Variants in SDC2 observed in about 807,000 individuals in gnomAD.
The protein encoded by SDC2 is syndecan 2, also known as syndecan-2.
SDC2 carries 13 observed loss-of-function variants against 22.2 expected under a neutral mutation model. That is an observed-to-expected ratio of 0.59 (90% CI 0.38 to 0.93). The LOEUF (loss-of-function observed/expected upper bound fraction) is 0.93. Ranked by LOEUF, SDC2 falls within the 40% of genes least tolerant of loss-of-function variation. SDC2 has a pLI of 0.00. For missense variants in SDC2, 235 were observed against 246.8 expected (o/e 0.95, Z 0.32); for synonymous variants, 94 against 92.8 (o/e 1.01, Z -0.07).
At chr8:96,521,384 G>A (rs1813495018) in intron 1 of SDC2, among the ~76,000 whole-genome samples, 1 of 152,228 alleles carries the variant, frequency 6.6e-6, no homozygotes. Flanking sequence ...TCCTGGGAAG[G>A]TGTTAGGAGG....
chr8:96,532,072 TGTGAA>T (rs1307142248), intron 1 of SDC2, among the ~76,000 whole-genome samples: 2 of 152,214 alleles, frequency 1.3e-5, no homozygotes, highest in East Asian at 3.8e-4. Context: ...TTTTTTCATC[TGTGAA>T]GTGAAGGACA....
At chr8:96,514,536 G>T (rs889340054) in intron 1 of SDC2, among the ~76,000 whole-genome samples, 19 of 152,118 alleles carry the variant, frequency 1.2e-4, no homozygotes, top group Non-Finnish European at 1.9e-4. Flanking sequence ...TCCTTCTGAG[G>T]CTTAAGTGAC....
chr8:96,607,300 C>T (rs1453163939), intron 3 of SDC2, among the ~76,000 whole-genome samples: 1 of 152,032 alleles, frequency 6.6e-6, no homozygotes, highest in East Asian at 1.9e-4. Context: ...GAGGTCGATG[C>T]GGGATGGGAG....
chr8:96,496,900 C>T (rs1440312371), intron 1 of SDC2, among the ~76,000 whole-genome samples: 2 of 152,206 alleles, frequency 1.3e-5, no homozygotes, highest in Non-Finnish European at 2.9e-5. Context: ...ATACTTTCCA[C>T]TGGCAGGTTA....
At chr8:96,536,534 C>CTAA (rs1170590168) in intron 1 of SDC2, among the ~76,000 whole-genome samples, 23 of 88,744 alleles carry the variant, frequency 2.6e-4, no homozygotes, top group Middle Eastern at 5.4e-3. Context: ...GTTGCCTAGG[C>CTAA]CAATCTCCAA....
intron 1 of SDC2, among the ~76,000 whole-genome samples, chr8:96,504,601 T>G (rs1813210980): frequency 6.6e-6 from 1 of 152,232 alleles, no homozygotes; most frequent in African/African-American, 2.4e-5. Flanking sequence ...ACACAAAGCT[T>G]GACCCATAGT....
At chr8:96,496,900 C>G (rs1440312371) in intron 1 of SDC2, among the ~76,000 whole-genome samples, 2 of 152,206 alleles carry the variant, frequency 1.3e-5, no homozygotes. Flanking sequence ...ATACTTTCCA[C>G]TGGCAGGTTA....
intron 2 of SDC2, among the ~76,000 whole-genome samples, chr8:96,601,259 G>A (rs1462765509): frequency 2.0e-5 from 3 of 152,180 alleles, no homozygotes; most frequent in Non-Finnish European, 2.9e-5. Flanking sequence ...CAGGGAAAAT[G>A]CTCCTGGAGG....
rs1276846328 is a variant in SDC2, at chr8:96,602,500, T to C, written c.278T>C (p.Ile93Thr). ...AAAGTGGAAACCACGACGCTGAATA[T>C]ACAGAACAAGATACCTGCTCAGACA... is the stretch of plus-strand genomic sequence containing the variant. ...APKVETTTLN[I>T]QNKIPAQTKS... The change falls in exon 3 of 5, where the codon ATA (isoleucine) becomes ACA (threonine). Residue 93 changes from isoleucine to threonine, a missense_variant. Ile to Thr is a moderately conservative substitution (Grantham distance 89). Transcript: ENST00000302190. 2 of 1,614,180 alleles carry C rather than the reference T, an allele frequency of 1.2e-6. No homozygotes were observed. Among genetic ancestry groups the C allele is most frequent in the Non-Finnish European group, 1.7e-6 (2 of 1,180,004 alleles).
intron 1 of SDC2, among the ~76,000 whole-genome samples, chr8:96,511,962 A>C (rs1420852434): frequency 6.6e-6 from 1 of 152,196 alleles, no homozygotes; most frequent in Non-Finnish European, 1.5e-5. Context: ...TTGACACAAC[A>C]GTCCCAAGAC....
chr8:96,501,574 C>A (rs4734345), intron 1 of SDC2, among the ~76,000 whole-genome samples: 28,095 of 151,898 alleles, frequency 0.18, 3,389 homozygotes, highest in East Asian at 0.52. Flanking sequence ...TCCCAAAGTG[C>A]TGGGATTGCA....
intron 1 of SDC2, among the ~76,000 whole-genome samples, chr8:96,502,980 G>A (rs536407596): frequency 6.6e-6 from 1 of 152,138 alleles, no homozygotes. Flanking sequence ...GCATGCTAAG[G>A]CCTACTTTTT....
intron 1 of SDC2, among the ~76,000 whole-genome samples, chr8:96,503,789 A>C (rs1216876650): frequency 6.6e-6 from 1 of 152,200 alleles, no homozygotes; most frequent in Non-Finnish European, 1.5e-5. Flanking sequence ...AGTTCTGCTG[A>C]TCCTTCAGAG....
At chr8:96,599,903 G>T (rs1814948145) in intron 2 of SDC2, among the ~76,000 whole-genome samples, 1 of 152,180 alleles carries the variant, frequency 6.6e-6, no homozygotes, top group African/African-American at 2.4e-5. Context: ...CACTTTGGGA[G>T]ACCCAGGCAG....
chr8:96,608,680 C>T (rs567362657), intron 4 of SDC2, among the ~76,000 whole-genome samples: 2 of 152,294 alleles, frequency 1.3e-5, no homozygotes, highest in East Asian at 1.9e-4. Context: ...CGCCAGCCAT[C>T]GGGCAGGGGA....
chr8:96,526,299 C>A (rs1813577193), intron 1 of SDC2, among the ~76,000 whole-genome samples: 2 of 110,196 alleles, frequency 1.8e-5, no homozygotes, highest in African/African-American at 4.5e-5. Flanking sequence ...TGTAATGAAG[C>A]ATCACAAATA....
intron 3 of SDC2, among the ~76,000 whole-genome samples, chr8:96,605,691 C>G (rs1563679452): frequency 6.6e-6 from 1 of 152,136 alleles, no homozygotes; most frequent in Non-Finnish European, 1.5e-5. Flanking sequence ...GGGTTTCTTG[C>G]AATTTGGGAA....
chr8:96,538,277 T>C (rs1813786871), intron 1 of SDC2, among the ~76,000 whole-genome samples: 1 of 152,148 alleles, frequency 6.6e-6, no homozygotes, highest in South Asian at 2.1e-4. Context: ...GTGTTATATA[T>C]TGGGCTTCCA....
intron 1 of SDC2, among the ~76,000 whole-genome samples, chr8:96,570,159 G>A (rs532217943): frequency 3.6e-4 from 55 of 152,312 alleles, no homozygotes; most frequent in African/African-American, 1.3e-3. Flanking sequence ...AGCCTGAGGT[G>A]CAGAGAGATC....
Sources: gnomAD v4.1 joint callset for allele counts (sites outside exome capture counted in the v4.1 genomes callset) on GRCh38, gnomAD v4.1.1 for gene constraint, MANE v1.5 for transcripts, NCBI Gene and HGNC (gene_info 2026-07-23, HGNC 2026-07-21) for gene names.